The following PHACTR4 variants were observed in gnomAD, a reference collection of about 807,000 sequenced individuals.
PHACTR4 encodes protein phosphatase 1, regulatory subunit 124.
PHACTR4 carries 51 observed loss-of-function variants against 72.7 expected under a neutral mutation model. The ratio of observed to expected loss-of-function variants is 0.70; its 90% CI spans 0.56 to 0.89. PHACTR4 has a LOEUF of 0.89. Ranked by LOEUF, PHACTR4 falls within the 40% of genes least tolerant of loss-of-function variation. The pLI, the probability that PHACTR4 is intolerant of heterozygous loss-of-function variation, is 0.00. For synonymous variants in PHACTR4, 255 were observed against 302.5 expected (o/e 0.84, Z 1.63); for missense variants, 731 against 861.8 (o/e 0.85, Z 1.90).
At chr1:28,441,308 G>A (rs184376625) in intron 2 of PHACTR4, among the ~76,000 whole-genome samples, 17 of 151,692 alleles carry the variant, frequency 1.1e-4, no homozygotes, top group Admixed American at 3.3e-4. Context: ...TCGAACTCTA[G>A]CCTCAATTGA....
At chr1:28,384,599 C>CA (rs887785107) in intron 1 of PHACTR4, among the ~76,000 whole-genome samples, 1 of 151,830 alleles carries the variant, frequency 6.6e-6, no homozygotes, top group Non-Finnish European at 1.5e-5. Flanking sequence ...TTACTTTTTT[C>CA]AAAGACCCAA....
In PHACTR4 at chr1:28,455,571, T is replaced by G. The variant is rs545011474; in HGVS notation, c.17-3514T>G. 3.3e-5 allele frequency among the ~76,000 whole-genome samples: 5 copies of G among 152,236 alleles called. No homozygotes were observed. In the South Asian group the frequency reaches 8.3e-4, roughly 25 times the overall value. On this transcript the variant is annotated intron_variant, in intron 2 of 13. Coordinates refer to ENST00000373839, the MANE Select transcript of PHACTR4 (RefSeq NM_001048183.3). ...CTGCCTCTGTCTCTTTTAACCTCCA[T>G]GAGGTTTCCAGATAATAATCTGGTA...
intron 1 of PHACTR4, among the ~76,000 whole-genome samples, chr1:28,386,276 TAG>T (rs1427249786): frequency 2.6e-5 from 4 of 151,970 alleles, no homozygotes; most frequent in Non-Finnish European, 5.9e-5. Flanking sequence ...GGACTTTTAG[TAG>T]AGACAGGGTT....
At chr1:28,440,676 G>C (rs1261933813) in intron 2 of PHACTR4, among the ~76,000 whole-genome samples, 5 of 151,956 alleles carry the variant, frequency 3.3e-5, no homozygotes, top group African/African-American at 1.2e-4. Flanking sequence ...ATAAGTAGTT[G>C]ACTATCAGCA....
At chr1:28,371,199 A>T (rs1651219466) in intron 1 of PHACTR4, among the ~76,000 whole-genome samples, 1 of 152,164 alleles carries the variant, frequency 6.6e-6, no homozygotes, top group Non-Finnish European at 1.5e-5. Context: ...TGTAGCCTCG[A>T]ACTTCTTGGC....
At chr1:28,419,844 C>T (rs1247043454) in intron 2 of PHACTR4, among the ~76,000 whole-genome samples, 1 of 152,114 alleles carries the variant, frequency 6.6e-6, no homozygotes, top group African/African-American at 2.4e-5. Flanking sequence ...TAAAGTAAAA[C>T]TTGTTAGATA....
At chr1:28,477,786 A>G (rs1361221516) in intron 8 of PHACTR4, among the ~76,000 whole-genome samples, 1 of 151,966 alleles carries the variant, frequency 6.6e-6, no homozygotes, top group Non-Finnish European at 1.5e-5. Context: ...TTCCTGGCTC[A>G]AGCAATGCTC....
intron 6 of PHACTR4, chr1:28,467,317 A>T (rs535228275): frequency 6.5e-6 from 1 of 152,832 alleles, no homozygotes; most frequent in African/African-American, 2.4e-5. Context: ...GTTTTAACCT[A>T]TTTTTTAATC....
chr1:28,438,400 G>A (rs1435558581), intron 2 of PHACTR4: 17 of 1,612,534 alleles, frequency 1.1e-5, no homozygotes, highest in Non-Finnish European at 1.4e-5. Context: ...ACAAGCTGAT[G>A]TCTCCAGACC....
intron 4 of PHACTR4, among the ~76,000 whole-genome samples, chr1:28,461,853 C>CT (rs1199914289): frequency 0.065 from 9,249 of 141,412 alleles, 778 homozygotes; most frequent in African/African-American, 0.2. Context: ...TTCTTTCTTT[C>CT]TTTTTTTTTT....
intron 2 of PHACTR4, among the ~76,000 whole-genome samples, chr1:28,418,926 G>C (rs1052237751): frequency 5.3e-5 from 8 of 151,372 alleles, no homozygotes; most frequent in Non-Finnish European, 8.8e-5. Flanking sequence ...ACACCAGCCT[G>C]GGTGACAGAG....
chr1:28,378,882 AG>A (rs755932252), intron 1 of PHACTR4, among the ~76,000 whole-genome samples: 8 of 152,170 alleles, frequency 5.3e-5, no homozygotes, highest in Non-Finnish European at 7.3e-5. Context: ...AAATAAGAGT[AG>A]TTGTTACCAG....
At chr1:28,383,358 A>C (rs1569762918) in intron 1 of PHACTR4, among the ~76,000 whole-genome samples, 1 of 152,126 alleles carries the variant, frequency 6.6e-6, no homozygotes, top group African/African-American at 2.4e-5. Flanking sequence ...ATGAATTTTA[A>C]AATAATTTTT....
intron 1 of PHACTR4, among the ~76,000 whole-genome samples, chr1:28,381,423 C>G (rs577571683): frequency 7.6e-4 from 116 of 151,718 alleles, no homozygotes; most frequent in African/African-American, 2.8e-3. Context: ...CTTAGCCTCC[C>G]GAGTAGCTGG....
intron 5 of PHACTR4, 136 bp downstream of exon 5, chr1:28,465,985 C>T: frequency 1.2e-6 from 1 of 855,184 alleles, no homozygotes; most frequent in Non-Finnish European, 1.7e-6. Flanking sequence ...TAACTAGCAA[C>T]TTCAAGGGGA....
At chr1:28,487,919 T>C (rs539410370) in intron 9 of PHACTR4, among the ~76,000 whole-genome samples, 1 of 151,650 alleles carries the variant, frequency 6.6e-6, no homozygotes, top group East Asian at 2.0e-4. Flanking sequence ...TATTTTTCAG[T>C]AGAGACAGGG....
At chr1:28,475,108 C>T (rs1414507446) in intron 7 of PHACTR4, among the ~76,000 whole-genome samples, 2 of 151,926 alleles carry the variant, frequency 1.3e-5, no homozygotes, top group Non-Finnish European at 2.9e-5. Context: ...TGCCATCACA[C>T]CCAGCTAATT....
chr1:28,495,994 T>C (rs1324200742), intron 13 of PHACTR4, among the ~76,000 whole-genome samples: 3 of 151,024 alleles, frequency 2.0e-5, no homozygotes, highest in Non-Finnish European at 2.9e-5. Context: ...AAAGATCAAT[T>C]GAAGAAGAGA....
At chr1:28,478,459 G>A (rs1040183040) in intron 8 of PHACTR4, among the ~76,000 whole-genome samples, 58 of 151,936 alleles carry the variant, frequency 3.8e-4, no homozygotes, top group African/African-American at 1.4e-3. Context: ...AATAGACGGA[G>A]GCTCACTCTG....
Sources: gnomAD v4.1 joint callset for allele counts (sites outside exome capture counted in the v4.1 genomes callset) on GRCh38, gnomAD v4.1.1 for gene constraint, MANE v1.5 for transcripts, NCBI Gene and HGNC (gene_info 2026-07-23, HGNC 2026-07-21) for gene names.